The following NLGN1 variants were observed in gnomAD, a reference collection of about 807,000 sequenced individuals.
NLGN1 encodes neuroligin-1.
A neutral mutation model predicts 65.5 loss-of-function variants in NLGN1; 12 were observed. The ratio of observed to expected loss-of-function variants is 0.18; its 90% confidence interval spans 0.12 to 0.30. NLGN1 has a LOEUF of 0.30. Among genes scored for constraint, NLGN1 ranks in the 10% least tolerant of loss-of-function variants. The probability of loss-of-function intolerance (pLI) is 1.00; values close to 1 mark genes in which losing one functional copy is unlikely to be tolerated. For missense variants in NLGN1, 750 were observed against 1,007.1 expected, an observed-to-expected ratio of 0.74 and a Z score of 3.46; for synonymous variants, 350 against 359.5, an observed-to-expected ratio of 0.97 and a Z score of 0.30.
At chr3:174,127,042 T>A (rs949546563) in intron 4 of NLGN1, among the ~76,000 whole-genome samples, 5 of 152,088 alleles carry the variant, frequency 3.3e-5, no homozygotes, top group Non-Finnish European at 7.4e-5. Context: ...TCCAAAAATG[T>A]CATGGGGATA....
chr3:173,664,077 A>T (rs1281550459), intron 3 of NLGN1, among the ~76,000 whole-genome samples: 1 of 152,180 alleles, frequency 6.6e-6, no homozygotes, highest in East Asian at 1.9e-4. Context: ...TGCCAAAACA[A>T]TATGAATTGT....
At chr3:173,601,196 A>G (rs7641304) in intron 2 of NLGN1, among the ~76,000 whole-genome samples, 11,968 of 151,974 alleles carry the variant, frequency 0.079, 1,582 homozygotes, top group African/African-American at 0.27. Context: ...CTACTGAGTA[A>G]GATTTTCTGG....
At chr3:173,558,504 G>A (rs555745473) in intron 2 of NLGN1, among the ~76,000 whole-genome samples, 2 of 151,882 alleles carry the variant, frequency 1.3e-5, no homozygotes, top group African/African-American at 2.4e-5. Context: ...TCATTTTTTA[G>A]CAATGTTTTT....
At chr3:173,747,801 CTTTTTTTTTTTTTTTTTT>C (rs749749824) in intron 3 of NLGN1, among the ~76,000 whole-genome samples, 3 of 64,422 alleles carry the variant, frequency 4.7e-5, no homozygotes, top group Admixed American at 4.0e-4. Context: ...TCTTCTTGTT[CTTTTTTTTTTTTTTTTTT>C]TTTTTTTTTT....
intron 2 of NLGN1, among the ~76,000 whole-genome samples, chr3:173,447,547 G>A (rs1485218754): frequency 6.6e-6 from 1 of 152,174 alleles, no homozygotes; most frequent in Admixed American, 6.5e-5. Flanking sequence ...TGGCAATGCA[G>A]GCTCTTTTTT....
At chr3:173,728,832 A>G (rs570128831) in intron 3 of NLGN1, among the ~76,000 whole-genome samples, 1 of 152,206 alleles carries the variant, frequency 6.6e-6, no homozygotes. Flanking sequence ...CAGAGGGAGT[A>G]TGGCCCTGCT....
At chr3:173,528,957 G>T (rs1560388918) in intron 2 of NLGN1, among the ~76,000 whole-genome samples, 1 of 151,994 alleles carries the variant, frequency 6.6e-6, no homozygotes, top group Non-Finnish European at 1.5e-5. Context: ...TTTGGTTAGG[G>T]TCCATTGCTA....
At chr3:174,144,497 T>C (rs555737223) in intron 4 of NLGN1, among the ~76,000 whole-genome samples, 2 of 152,340 alleles carry the variant, frequency 1.3e-5, no homozygotes, top group East Asian at 1.9e-4. Context: ...CCACACTGTC[T>C]TCCACAACGG....
At chr3:174,217,606 G>A (rs558614335) in intron 4 of NLGN1, among the ~76,000 whole-genome samples, 1 of 152,004 alleles carries the variant, frequency 6.6e-6, no homozygotes, top group African/African-American at 2.4e-5. Context: ...CCTTCACGAA[G>A]GCCCACTTTC....
At chr3:173,672,470 G>A (rs71310554) in intron 3 of NLGN1, among the ~76,000 whole-genome samples, 425 of 152,222 alleles carry the variant, frequency 2.8e-3, no homozygotes, top group Middle Eastern at 6.8e-3. Flanking sequence ...TCCTGGATAG[G>A]TGAAGATTAA....
intron 2 of NLGN1, among the ~76,000 whole-genome samples, chr3:173,573,838 C>G (rs1278908083): frequency 6.6e-6 from 1 of 151,182 alleles, no homozygotes; most frequent in African/African-American, 2.4e-5. Flanking sequence ...CTGAGGTGGT[C>G]GGATCACAAG....
At chr3:173,958,831 C>T (rs1224892793) in intron 4 of NLGN1, among the ~76,000 whole-genome samples, 1 of 152,202 alleles carries the variant, frequency 6.6e-6, no homozygotes, top group African/African-American at 2.4e-5. Flanking sequence ...CCTCAGCACC[C>T]CCTTGGCCTC....
chr3:173,799,754 G>GA (rs1181473954), intron 3 of NLGN1, among the ~76,000 whole-genome samples: 1 of 151,658 alleles, frequency 6.6e-6, no homozygotes, highest in East Asian at 1.9e-4. Context: ...TCACAGTTTT[G>GA]AAAAATGTAT....
chr3:173,897,106 A>G (rs956024170), intron 4 of NLGN1, among the ~76,000 whole-genome samples: 4 of 152,048 alleles, frequency 2.6e-5, no homozygotes, highest in Non-Finnish European at 5.9e-5. Context: ...AAATTTAGCT[A>G]CTTTCTTCTT....
intron 2 of NLGN1, among the ~76,000 whole-genome samples, chr3:173,578,126 C>T (rs1745811961): frequency 6.6e-6 from 1 of 151,720 alleles, no homozygotes; most frequent in Non-Finnish European, 1.5e-5. Flanking sequence ...GTCCCAGCTA[C>T]TCGGGAGGCT....
At chr3:173,408,044 A>AT (rs1711633055) in intron 1 of NLGN1, among the ~76,000 whole-genome samples, 1 of 152,182 alleles carries the variant, frequency 6.6e-6, no homozygotes, top group Non-Finnish European at 1.5e-5. Flanking sequence ...ATTGCCTGTC[A>AT]TCAAATGAGA....
Position 174,256,433 on chromosome 3 carries a change from A to T in NLGN1, c.647-18882A>T, listed in dbSNP as rs116700056. ...TTTTTCTAGTGACATAATCTACATA[A>T]CTCATATTACCATGCTGTTTCCATA... On this transcript the variant is annotated intron_variant, in intron 4 of 6. Coordinates refer to ENST00000457714, the Ensembl canonical transcript of NLGN1. Among the ~76,000 whole-genome samples the T allele has an allele frequency of 7.7e-3, 1,173 of 152,212 alleles. 11 individuals are homozygous for T. Among genetic ancestry groups the T allele is most frequent in the African/African-American group, 0.025 (1,051 of 41,532 alleles).
intron 4 of NLGN1, among the ~76,000 whole-genome samples, chr3:173,888,438 G>A (rs1244978005): frequency 1.3e-5 from 2 of 151,836 alleles, no homozygotes; most frequent in Non-Finnish European, 2.9e-5. Flanking sequence ...TATTTTTATT[G>A]TTTTATTGTT....
intron 2 of NLGN1, among the ~76,000 whole-genome samples, chr3:173,440,550 A>G (rs769270154): frequency 5.9e-5 from 9 of 152,182 alleles, no homozygotes; most frequent in Non-Finnish European, 1.3e-4. Context: ...TTGTGTGAGC[A>G]GGCATGAAAA....
Sources: gnomAD v4.1 joint callset for allele counts (sites outside exome capture counted in the v4.1 genomes callset) on GRCh38, gnomAD v4.1.1 for gene constraint, MANE v1.5 for transcripts, NCBI Gene and HGNC (gene_info 2026-07-23, HGNC 2026-07-21) for gene names.